Variants in SMG6 observed in about 807,000 individuals in gnomAD.
SMG6 encodes SMG6 nonsense mediated mRNA decay factor, also known as telomerase-binding protein EST1A.
A neutral mutation model predicts 142.2 loss-of-function variants in SMG6; 66 were observed. That is an observed-to-expected ratio of 0.46 (90% CI 0.38 to 0.57). SMG6 has a LOEUF of 0.57. Ranked by LOEUF, SMG6 falls within the 20% of genes least tolerant of loss-of-function variation. SMG6 has a pLI of 0.00. For missense variants in SMG6, 1,793 were observed against 1,832.0 expected, an observed-to-expected ratio of 0.98 and a Z score of 0.39; for synonymous variants, 779 against 702.4, an observed-to-expected ratio of 1.11 and a Z score of -1.72.
intron 6 of SMG6, among the ~76,000 whole-genome samples, chr17:2,284,157 T>C (rs112606890): frequency 1.1e-4 from 17 of 152,038 alleles, no homozygotes; most frequent in African/African-American, 3.6e-4. Context: ...AATCCAGGAG[T>C]TGACTCGGAA....
In SMG6 at chr17:2,303,767, G is replaced by T; in HGVS notation, c.-47C>A. 1.4e-6 allele frequency: 2 copies of T among 1,459,360 alleles called. No individual in the cohort carries two copies. Among genetic ancestry groups the T allele is most frequent in the Non-Finnish European group, 1.8e-6 (2 of 1,102,516 alleles). 90.4% of individuals were successfully genotyped at this position (1,459,360 alleles called of 1,614,324 possible). The stretch of plus-strand genomic sequence containing the variant: ...CGTAGCGGCTCCGCCACCGCCGCGC[G>T]CAGCCAGGAAACCACCACAGACGGG... On this transcript the variant is annotated 5_prime_UTR_variant, in exon 1 of 19. Coordinates refer to ENST00000263073, the MANE Select transcript of SMG6 (RefSeq NM_017575.5).
chr17:2,219,803 C>CAAAAAAAAAAAAAAAAA (rs72234069), intron 10 of SMG6, among the ~76,000 whole-genome samples: 6 of 118,092 alleles, frequency 5.1e-5, no homozygotes, highest in African/African-American at 1.3e-4. Flanking sequence ...GACCCTTTAT[C>CAAAAAAAAAAAAAAAAA]AAAAAAAAAA....
At chr17:2,103,809 G>A (rs906533404) in intron 13 of SMG6, among the ~76,000 whole-genome samples, 48 of 152,102 alleles carry the variant, frequency 3.2e-4, no homozygotes, top group African/African-American at 1.1e-3. Flanking sequence ...ACTCATCACC[G>A]GATCTAAAGT....
intron 15 of SMG6, among the ~76,000 whole-genome samples, chr17:2,072,399 T>G (rs2068128897): frequency 6.6e-6 from 1 of 152,054 alleles, no homozygotes; most frequent in Non-Finnish European, 1.5e-5. Context: ...GCATAAAATG[T>G]GGAAGAAAAA....
In SMG6 at chr17:2,300,589, C is replaced by T. The variant is rs1244505720; in HGVS notation, c.164G>A (p.Gly55Asp). Residue 55 changes from glycine to aspartate, a missense_variant, in exon 2 of 19, where the codon GGC (glycine) becomes GAC (aspartate). By Grantham distance (94) the Gly-to-Asp change is moderately conservative. Transcript: ENST00000263073. ...RRPDLEIYKP[G>D]LSRLRNKPKI... ...GGGCTTGTTCCTTAGCCGAGAAAGG[C>T]CAGGCTTATAGATTTCCAGATCTGG... is the stretch of plus-strand genomic sequence containing the variant. 4 of 1,613,800 alleles carry T rather than the reference C, an allele frequency of 2.5e-6. No homozygotes were observed. The highest frequency in any genetic ancestry group is 3.4e-6 in the Non-Finnish European group (4 of 1,179,916).
chr17:2,171,919 C>G (rs1439666843), intron 13 of SMG6, among the ~76,000 whole-genome samples: 1 of 152,056 alleles, frequency 6.6e-6, no homozygotes, highest in Non-Finnish European at 1.5e-5. Context: ...ACTTCGCTCC[C>G]AAGCTCGGTG....
At chr17:2,127,538 C>A in intron 13 of SMG6, 1 of 619,000 alleles carries the variant, frequency 1.6e-6, no homozygotes. Flanking sequence ...TTGGGGCCAG[C>A]ATCCTCAGTT....
At chr17:2,166,845 C>A (rs187666924) in intron 13 of SMG6, among the ~76,000 whole-genome samples, 2 of 152,060 alleles carry the variant, frequency 1.3e-5, no homozygotes, top group African/African-American at 4.8e-5. Context: ...GGGACTGAGG[C>A]CAGGCACAGT....
intron 9 of SMG6, chr17:2,237,682 G>A (rs1468396285): frequency 9.2e-6 from 4 of 434,818 alleles, no homozygotes; most frequent in Non-Finnish European, 1.2e-5. Context: ...GTGACCTAGG[G>A]CTCCTAAGGA....
At chr17:2,218,230 C>G (rs1434776630) in intron 10 of SMG6, among the ~76,000 whole-genome samples, 1 of 151,826 alleles carries the variant, frequency 6.6e-6, no homozygotes, top group Non-Finnish European at 1.5e-5. Context: ...ATGGTGCAGA[C>G]AATTCATTCG....
At chr17:2,261,767 C>T (rs779568485) in intron 8 of SMG6, among the ~76,000 whole-genome samples, 8 of 152,308 alleles carry the variant, frequency 5.3e-5, no homozygotes, top group Admixed American at 2.0e-4. Flanking sequence ...AGGAATGCAA[C>T]CCATAAGATC....
At chr17:2,095,955 C>T (rs1033769896) in intron 13 of SMG6, among the ~76,000 whole-genome samples, 1 of 152,006 alleles carries the variant, frequency 6.6e-6, no homozygotes, top group Admixed American at 6.6e-5. Flanking sequence ...GTCTGCTTCC[C>T]CTGGCACCTC....
At chr17:2,226,775 G>T (rs1389554918) in intron 10 of SMG6, among the ~76,000 whole-genome samples, 4 of 151,714 alleles carry the variant, frequency 2.6e-5, no homozygotes, top group Non-Finnish European at 4.4e-5. Context: ...AGTACCTATA[G>T]TCCCAGCTAC....
At chr17:2,158,727 G>T (rs1227638703) in intron 13 of SMG6, among the ~76,000 whole-genome samples, 2 of 151,950 alleles carry the variant, frequency 1.3e-5, no homozygotes, top group Non-Finnish European at 2.9e-5. Context: ...GACCAGCCTG[G>T]GCAACATGGC....
chr17:2,222,665 C>T (rs924317973), intron 10 of SMG6, among the ~76,000 whole-genome samples: 1 of 148,610 alleles, frequency 6.7e-6, no homozygotes, highest in Non-Finnish European at 1.5e-5. Flanking sequence ...ACAGCAGACT[C>T]TGTATGTAAT....
intron 8 of SMG6, among the ~76,000 whole-genome samples, chr17:2,255,388 A>G (rs2074145171): frequency 7.8e-6 from 1 of 127,492 alleles, no homozygotes; most frequent in Non-Finnish European, 1.6e-5. Context: ...TGGGCGACAG[A>G]GCGAGACTCC....
intron 13 of SMG6, among the ~76,000 whole-genome samples, chr17:2,121,305 C>A (rs2069680495): frequency 6.6e-6 from 1 of 152,014 alleles, no homozygotes; most frequent in Non-Finnish European, 1.5e-5. Context: ...TACTACTCAG[C>A]AATAAAAAGG....
chr17:2,102,206 G>A (rs2069027039), intron 13 of SMG6, among the ~76,000 whole-genome samples: 1 of 152,056 alleles, frequency 6.6e-6, no homozygotes, highest in Admixed American at 6.6e-5. Context: ...ATTATAAATT[G>A]ACAATTTATA....
intron 13 of SMG6, among the ~76,000 whole-genome samples, chr17:2,139,975 C>T (rs1019754479): frequency 1.3e-5 from 2 of 152,234 alleles, no homozygotes; most frequent in Admixed American, 6.5e-5. Flanking sequence ...ATCCTCCCAC[C>T]TCAGCCTCCC....
Sources: allele counts gnomAD v4.1 joint callset (sites outside exome capture counted in the v4.1 genomes callset), GRCh38; gene constraint gnomAD v4.1.1; transcripts MANE v1.5; gene names NCBI Gene and HGNC (gene_info 2026-07-23, HGNC 2026-07-21).